Variants in SORBS3 observed in about 807,000 individuals in gnomAD.
The protein encoded by SORBS3 is sorbin and SH3 domain containing 3.
In SORBS3, 69 loss-of-function variants were observed where a neutral mutation model predicts 98.0. The observed-to-expected ratio is 0.70, with a 90% CI of 0.58 to 0.86. The LOEUF is 0.86. Ranked by LOEUF, SORBS3 falls within the 40% of genes least tolerant of loss-of-function variation. The pLI, the probability that SORBS3 is intolerant of heterozygous loss-of-function variation, is 0.00. For missense variants in SORBS3, 954 were observed against 908.5 expected (o/e 1.05, Z -0.64); for synonymous variants, 394 against 355.4 (o/e 1.11, Z -1.22).
chr8:22,572,884 C>A (rs1020122110), intron 20 of SORBS3, among the ~76,000 whole-genome samples: 1 of 152,228 alleles, frequency 6.6e-6, no homozygotes. Context: ...CAGGGCTGGC[C>A]CAAGGGCAGC....
chr8:22,547,143 G>A (rs189895663), upstream of SORBS3, among the ~76,000 whole-genome samples: 22 of 152,182 alleles, frequency 1.4e-4, no homozygotes, highest in Non-Finnish European at 2.8e-4. Flanking sequence ...ATGTAGCAAT[G>A]TCCCTACACC....
chr8:22,554,158 C>CTCCTGGCCAG lies in SORBS3; in HGVS notation c.-55-293_-55-284dup, dbSNP rs2117212424. 1 of 225,038 alleles carries CTCCTGGCCAG rather than the reference C, an allele frequency of 4.4e-6. No homozygotes were observed. Among genetic ancestry groups the CTCCTGGCCAG allele is most frequent in the South Asian group, 8.2e-5 (1 of 12,252 alleles). 13.9% of individuals were successfully genotyped at this position (225,038 alleles called of 1,614,324 possible). On this transcript the variant is annotated intron_variant, in intron 1 of 20. Transcript: ENST00000240123. This position sits in a 1 kb window ranked among gnomAD's most constrained non-coding sequence, Gnocchi z 6.5. The stretch of plus-strand genomic sequence containing the variant: ...ACCCGTGCAGGGAGAGCCCCACGGG[C>CTCCTGGCCAG]TCCTGGCCAGCCCCTCCCCTCCTCC...
rs1218836810 is a variant in SORBS3, at chr8:22,561,942, T to C, written c.584+11T>C. ...AACATCTTCCAGTGGGTGAGCACAG[T>C]GGGGCGGGGCCGAGGGCTGCGGAGG... On this transcript the variant is annotated intron_variant, in intron 7 of 20. Transcript: ENST00000240123. 6.2e-7 allele frequency: 1 copy of C among 1,613,466 alleles called. No individual in the cohort carries two copies. Among genetic ancestry groups the C allele is most frequent in the Non-Finnish European group, 8.5e-7 (1 of 1,179,784 alleles).
At chr8:22,566,741 C>T in intron 14 of SORBS3, 28 bp downstream of exon 14, 1 of 1,613,722 alleles carries the variant, frequency 6.2e-7, no homozygotes, top group Non-Finnish European at 8.5e-7. Flanking sequence ...TGTGGGGGAC[C>T]TGGAGTGGTC....
intron 11 of SORBS3, 131 bp downstream of exon 11, chr8:22,565,485 C>T: frequency 2.8e-6 from 2 of 722,382 alleles, no homozygotes; most frequent in Non-Finnish European, 4.0e-6. Flanking sequence ...GCGCACCGGC[C>T]TCGGGCCCTC....
intron 17 of SORBS3, among the ~76,000 whole-genome samples, chr8:22,569,628 G>C (rs535874671): frequency 6.6e-6 from 1 of 152,140 alleles, no homozygotes; most frequent in Non-Finnish European, 1.5e-5. Flanking sequence ...GTGAGCCACC[G>C]CGCCTGGCCT....
upstream of SORBS3, among the ~76,000 whole-genome samples, chr8:22,548,736 T>C (rs1173406157): frequency 6.6e-6 from 1 of 152,158 alleles, no homozygotes; most frequent in Non-Finnish European, 1.5e-5. Context: ...AAGGCGCTCC[T>C]CAAGAACTGA....
chr8:22,557,493 T>A (rs17060913), intron 4 of SORBS3, among the ~76,000 whole-genome samples: 2,009 of 152,256 alleles, frequency 0.013, 60 homozygotes, highest in East Asian at 0.12. Context: ...GAAACACGCA[T>A]CTCACTCCTA....
intron 3 of SORBS3, 44 bp from the exon 4 acceptor site, chr8:22,556,670 GA>G: frequency 6.4e-7 from 1 of 1,574,010 alleles, no homozygotes; most frequent in Admixed American, 1.7e-5. Flanking sequence ...GGTTCAGGTG[GA>G]GACCCCTGCC....
chr8:22,566,410 G>C lies in SORBS3; in HGVS notation c.1016G>C (p.Ser339Thr). ...APYLGSARSL[S>T]PHKMADGGSP... ...TACCTGGGTTCCGCCCGGTCCCTGAGTCCCCACAAAATGGCTGATGGAGGA... is the reference window on the plus strand; with the variant it reads ...TACCTGGGTTCCGCCCGGTCCCTGACTCCCCACAAAATGGCTGATGGAGGA... The change falls in exon 13 of 21, where the codon AGT becomes ACT. Residue 339 changes from serine (S) to threonine (T), a missense_variant. Physicochemically the swap from Ser to Thr is moderately conservative, Grantham distance 58. Transcript: ENST00000240123. The C allele has an allele frequency of 6.2e-7, 1 of 1,614,114 alleles. No individual in the cohort carries two copies. The highest frequency in any genetic ancestry group is 1.1e-5 in the South Asian group (1 of 91,090).
intron 20 of SORBS3, chr8:22,573,422 G>A (rs950910926): frequency 2.2e-5 from 10 of 455,466 alleles, no homozygotes; most frequent in East Asian, 1.4e-4. Flanking sequence ...TGCCCTTTCC[G>A]GTATGGCAGC....
rs12682620 is a variant in SORBS3 at position 22,562,215 on chromosome 8, C to A, written c.584+284C>A. Among the ~76,000 whole-genome samples, 37 of 152,336 alleles carry A rather than the reference C, an allele frequency of 2.4e-4. 1 individual carries two copies. In the East Asian group the frequency reaches 6.6e-3, roughly 27 times the overall value. On this transcript the variant is annotated intron_variant, in intron 7 of 20. Coordinates refer to ENST00000240123, the MANE Select transcript of SORBS3 (RefSeq NM_005775.5). ...ATGCGTTTGTGGTCAGCAGCAGGAA[C>A]TCTTTGCCCCAAAGATCCCACCGGT...
At chr8:22,566,587 G>A in intron 13 of SORBS3, 74 bp from the exon 14 acceptor site, 1 of 1,577,688 alleles carries the variant, frequency 6.3e-7, no homozygotes, top group Non-Finnish European at 8.6e-7. Flanking sequence ...TTCTGCCAGT[G>A]CCTGCCCTAG....
At chr8:22,566,124 C>T in intron 12 of SORBS3, 1 of 618,780 alleles carries the variant, frequency 1.6e-6, no homozygotes, top group Non-Finnish European at 2.4e-6. Context: ...TTAGGGCGGC[C>T]CCGCCACGGC....
chr8:22,556,954 T>C (rs746688995), intron 4 of SORBS3, 46 bp downstream of exon 4: 1 of 1,596,940 alleles, frequency 6.3e-7, no homozygotes, highest in African/African-American at 1.3e-5. Context: ...CCCAGGGATC[T>C]ACAGGGAGCT....
chr8:22,557,004 C>T (rs1586891605), intron 4 of SORBS3, 96 bp downstream of exon 4: 3 of 1,377,210 alleles, frequency 2.2e-6, no homozygotes, highest in Non-Finnish European at 3.0e-6. Context: ...GCAATAAAGG[C>T]CGCACCCAAA....
At chr8:22,573,348 G>A in intron 20 of SORBS3, 2 of 456,212 alleles carry the variant, frequency 4.4e-6, no homozygotes, top group Non-Finnish European at 8.8e-6. Context: ...ATGCAGACAA[G>A]AAGAAAAAGT....
chr8:22,567,107 G>A lies in SORBS3; in HGVS notation c.1237G>A (p.Val413Met), dbSNP rs749093435. Residue 413 changes from valine to methionine, a missense_variant, in exon 16 of 21, where the codon GTG (valine) becomes ATG (methionine). Physicochemically the swap from Val to Met is conservative, Grantham distance 21. Transcript: ENST00000240123. ...KGDIVYIHKE[V>M]DKNWLEGEHH... is the part of the protein sequence containing the mutation. Reference sequence around the variant, plus strand: ...TGACATTGTCTACATCCACAAGGAGGTGGACAAGAACTGGCTGGAGGGAGA... The same window carrying A: ...TGACATTGTCTACATCCACAAGGAGATGGACAAGAACTGGCTGGAGGGAGA... 3 of 1,613,664 alleles carry A rather than the reference G, an allele frequency of 1.9e-6. No homozygotes were observed. Among genetic ancestry groups the A allele is most frequent in the South Asian group, 1.1e-5 (1 of 91,084 alleles).
intron 1 of SORBS3, among the ~76,000 whole-genome samples, chr8:22,552,304 C>T (rs1435522594): frequency 2.0e-5 from 3 of 152,006 alleles, no homozygotes; most frequent in Non-Finnish European, 4.4e-5. Context: ...CCAGCAGAGC[C>T]GCCTCCCCTC....
Sources: gnomAD v4.1 joint callset for allele counts (sites outside exome capture counted in the v4.1 genomes callset) on GRCh38, gnomAD v4.1.1 for gene constraint, Gnocchi (gnomAD v3.1) non-coding constraint, MANE v1.5 for transcripts, NCBI Gene and HGNC (gene_info 2026-07-23, HGNC 2026-07-21) for gene names.